Variants in ARFIP2 observed in about 807,000 individuals in gnomAD.
The protein encoded by ARFIP2 is arfaptin-2.
ARFIP2 carries 14 observed loss-of-function variants against 39.2 expected under a neutral mutation model. The ratio of observed to expected loss-of-function variants is 0.36; its 90% confidence interval spans 0.24 to 0.56. The LOEUF is 0.56. ARFIP2 is among the 20% of genes least tolerant of loss of function. The pLI is 0.85. For synonymous variants in ARFIP2, 167 were observed against 172.4 expected, an observed-to-expected ratio of 0.97 and a Z score of 0.24; for missense variants, 305 against 422.5, an observed-to-expected ratio of 0.72 and a Z score of 2.44.
chr11:6,481,080 G>A (rs1851711682), intron 1 of ARFIP2, 151 bp downstream of exon 1: 3 of 272,366 alleles, frequency 1.1e-5, no homozygotes, highest in Non-Finnish European at 2.1e-5. Context: ...TCCACAGTCA[G>A]TTATGTCTCC....
rs1003347778 is a variant in ARFIP2 at position 6,477,696 on chromosome 11, G to A, written c.870+22C>T. 3.7e-6 allele frequency: 6 copies of A among 1,611,790 alleles called. No individual in the cohort carries two copies. The African/African-American group carries it at 6.7e-5, about 18-fold the overall frequency. ...GTTACAGATGGAAAGGTGGGCTAGG[G>A]TCAAGGGGGTGGGGTTGGCACCTTG... On this transcript the variant is annotated intron_variant, in intron 7 of 7. Transcript: ENST00000396777. The surrounding 1 kb of genome is among the most constrained non-coding windows in gnomAD (Gnocchi z 4.8).
rs746639774 is a variant in ARFIP2 at position 6,480,417 on chromosome 11, G to A, written c.5C>T (p.Thr2Met). The change falls in exon 2 of 8, where the codon ACG (threonine) becomes ATG (methionine). Residue 2 changes from threonine to methionine, a missense_variant. By Grantham distance (81) the Thr-to-Met change is moderately conservative. This residue lies in a region of ARFIP2 where 151 missense variants were observed against 203.1 expected (regional missense o/e 0.74). Transcript: ENST00000396777. ...GGCTGCCTTCCCTAGGATCCCGTCC[G>A]TCATGGCTAGGAAAGGTATTGGAGT... M[T>M]DGILGKAATM... 5 of 1,610,032 alleles carry A rather than the reference G, an allele frequency of 3.1e-6. No homozygotes were observed. The highest frequency in any genetic ancestry group is 1.7e-5 in the Admixed American group (1 of 59,428).
In ARFIP2 at chr11:6,477,144, G is replaced by C; in HGVS notation, c.995C>G (p.Ala332Gly). The C allele has an allele frequency of 1.2e-6, 2 of 1,611,444 alleles. No individual in the cohort carries two copies. Among genetic ancestry groups the C allele is most frequent in the Non-Finnish European group, 1.7e-6 (2 of 1,178,566 alleles). ...QFNIKLRPPG[A>G]EKPSWLEEQ is the part of the protein sequence containing the mutation. ...CTCCTCTAGCCAGGAGGGTTTCTCA[G>C]CTCCTGGAGGCCGCAGCTTGATGTT... Residue 332 changes from alanine to glycine, a missense_variant, in exon 8 of 8, where the codon GCT becomes GGT. Around this residue, in one of 3 missense-constraint regions of ARFIP2, gnomAD observed 112 missense variants for 118.2 expected, o/e 0.95. Transcript: ENST00000396777. The surrounding 1 kb of genome is among the most constrained non-coding windows in gnomAD (Gnocchi z 4.8).
In ARFIP2 at chr11:6,480,423, G is replaced by A. The variant is rs142463432; in HGVS notation, c.-2C>T. Reference sequence around the variant, plus strand: ...CTTCCCTAGGATCCCGTCCGTCATGGCTAGGAAAGGTATTGGAGTAAAACT... The same window carrying A: ...CTTCCCTAGGATCCCGTCCGTCATGACTAGGAAAGGTATTGGAGTAAAACT... On this transcript the variant is annotated 5_prime_UTR_variant, in exon 2 of 8. Coordinates refer to ENST00000396777, the MANE Select transcript of ARFIP2 (RefSeq NM_001376558.2). 9 of 1,608,082 alleles carry A rather than the reference G, an allele frequency of 5.6e-6. No individual in the cohort carries two copies. The African/African-American group carries it at 1.1e-4, about 19-fold the overall frequency.
In ARFIP2 at chr11:6,476,718, C is replaced by T. The variant is rs969255449; in HGVS notation, c.*395G>A. 5.4e-5 allele frequency: 11 copies of T among 202,274 alleles called. No homozygotes were observed. The highest frequency in any genetic ancestry group is 2.6e-4 in the Admixed American group (5 of 19,064). The allele number at this position is 202,274 out of a possible 1,614,324, so 12.5% of individuals were successfully genotyped here. The stretch of plus-strand genomic sequence containing the variant: ...TAGAGGAGAGACAAAGGGTATTAGA[C>T]GCAACATCATTGGCCCAGGGGAGTC... On this transcript the variant is annotated 3_prime_UTR_variant, in exon 8 of 8. Transcript: ENST00000396777.
rs77933470 is a variant in ARFIP2, at chr11:6,479,394, T to A, written c.197-136A>T. On this transcript the variant is annotated intron_variant, in intron 3 of 7. Coordinates refer to ENST00000396777, the MANE Select transcript of ARFIP2 (RefSeq NM_001376558.2). The stretch of plus-strand genomic sequence containing the variant: ...GCTAGAGACAACTGGATGCTCCTGC[T>A]TACTAGGAGGAACTCGGACTTTGCG... The A allele has an allele frequency of 1.1e-3, 1,715 of 1,580,578 alleles. 14 individuals are homozygous for A. In the African/African-American group the frequency reaches 0.017, roughly 15 times the overall value.
Position 6,476,766 on chromosome 11 carries a change from A to T in ARFIP2, c.*347T>A. The T allele has an allele frequency of 4.1e-6, 1 of 245,252 alleles. No individual in the cohort carries two copies. The highest frequency in any genetic ancestry group is 8.1e-6 in the Non-Finnish European group (1 of 124,048). The allele number at this position is 245,252 out of a possible 1,614,324, so 15.2% of individuals were successfully genotyped here. On this transcript the variant is annotated 3_prime_UTR_variant, in exon 8 of 8. Transcript: ENST00000396777. ...GTCCGAGAAGAGCTGCCATTGGCTGACAGGGCATTTTCAGGCTCTGTCATT... is the reference window on the plus strand; with the variant it reads ...GTCCGAGAAGAGCTGCCATTGGCTGTCAGGGCATTTTCAGGCTCTGTCATT...
rs1851178103 is a variant in ARFIP2, at chr11:6,477,259, T to C, written c.880A>G (p.Met294Val). The change falls in exon 8 of 8, where the codon ATG (methionine) becomes GTG (valine). Residue 294 changes from methionine (M) to valine (V), a missense_variant. Physicochemically the swap from Met to Val is conservative, Grantham distance 21. This residue lies in a region of ARFIP2 where 112 missense variants were observed against 118.2 expected (regional missense o/e 0.95). Transcript: ENST00000396777. The surrounding 1 kb of genome is among the most constrained non-coding windows in gnomAD (Gnocchi z 4.8). Reference sequence around the variant, plus strand: ...TGGAAGAGCAGCAGCTGCTTGTGCATCACCTTGATCTGGGGGTCCAGCAGG... The same window carrying C: ...TGGAAGAGCAGCAGCTGCTTGTGCACCACCTTGATCTGGGGGTCCAGCAGG... Reference protein sequence around the residue: ...KFLEENKIKVMHKQLLLFHNA... With the variant: ...KFLEENKIKVVHKQLLLFHNA... The C allele has an allele frequency of 1.2e-6, 2 of 1,613,014 alleles. No individual in the cohort carries two copies. The highest frequency in any genetic ancestry group is 1.7e-6 in the Non-Finnish European group (2 of 1,179,708).
At position 6,477,836 on chromosome 11, in the gene ARFIP2, T is replaced by C; in HGVS notation, c.752A>G (p.Asp251Gly). 6.2e-7 allele frequency: 1 copy of C among 1,613,934 alleles called. No homozygotes were observed. Among genetic ancestry groups the C allele is most frequent in the Non-Finnish European group, 8.5e-7 (1 of 1,179,960 alleles). ...CTCAAGTCGACCACGTGTCCCTGCATCCCGGGGGCCTAGACTCAGCTCCTC... is the reference window on the plus strand; with the variant it reads ...CTCAAGTCGACCACGTGTCCCTGCACCCCGGGGGCCTAGACTCAGCTCCTC... ...DLEELSLGPR[D>G]AGTRGRLESA... Residue 251 changes from aspartate (D) to glycine (G), a missense_variant, in exon 7 of 8, where the codon GAT becomes GGT. Asp to Gly is a moderately conservative substitution (Grantham distance 94). Transcript: ENST00000396777. The surrounding 1 kb of genome is among the most constrained non-coding windows in gnomAD (Gnocchi z 4.8).
chr11:6,476,993 C>T lies in ARFIP2; in HGVS notation c.*120G>A. The T allele has an allele frequency of 8.0e-7, 1 of 1,253,176 alleles. No homozygotes were observed. Among genetic ancestry groups the T allele is most frequent in the Non-Finnish European group, 1.1e-6 (1 of 929,478 alleles). The allele number at this position is 1,253,176 out of a possible 1,614,324, so 77.6% of individuals were successfully genotyped here. ...GGCAAAACTGGTGTCAGGCCCCAGC[C>T]AGAAAAAGGAGCCCAAGCCAGAGGG... On this transcript the variant is annotated 3_prime_UTR_variant, in exon 8 of 8. Coordinates refer to ENST00000396777, the MANE Select transcript of ARFIP2 (RefSeq NM_001376558.2).
At chr11:6,480,649 C>T (rs987037615) in intron 1 of ARFIP2, 186 bp from the exon 2 acceptor site, 6 of 465,222 alleles carry the variant, frequency 1.3e-5, no homozygotes, top group African/African-American at 8.0e-5. Context: ...CACCAAAGCA[C>T]GGTGTCTTCT....
In ARFIP2 at chr11:6,476,967, G is replaced by A; in HGVS notation, c.*146C>T. On this transcript the variant is annotated 3_prime_UTR_variant, in exon 8 of 8. Transcript: ENST00000396777. ...GGCCCTCTTCCCACCATAGCAATGTGGGCAAAACTGGTGTCAGGCCCCAGC... is the reference window on the plus strand; with the variant it reads ...GGCCCTCTTCCCACCATAGCAATGTAGGCAAAACTGGTGTCAGGCCCCAGC... The A allele has an allele frequency of 2.1e-6, 2 of 940,876 alleles. No homozygotes were observed. The highest frequency in any genetic ancestry group is 3.1e-6 in the Non-Finnish European group (2 of 649,296). The allele number at this position is 940,876 out of a possible 1,614,324, so 58.3% of individuals were successfully genotyped here.
intron 2 of ARFIP2, 103 bp downstream of exon 2, chr11:6,480,220 G>T: frequency 7.7e-7 from 1 of 1,293,984 alleles, no homozygotes; most frequent in Non-Finnish European, 1.1e-6. Context: ...AATGAAGGGA[G>T]TCAGATAAGT....
At position 6,478,972 on chromosome 11, in the gene ARFIP2, T is replaced by C. The variant is rs1030392246; in HGVS notation, c.316-13A>G. 1 of 1,612,722 alleles carries C rather than the reference T, an allele frequency of 6.2e-7. No individual in the cohort carries two copies. The highest frequency in any genetic ancestry group is 8.5e-7 in the Non-Finnish European group (1 of 1,179,022). ...GTTGCTTTGTGCACTGATTGGGAAA[T>C]GGGGGAATAAATCAGAGACCCTAAC... On this transcript the variant is annotated splice_polypyrimidine_tract_variant and intron_variant, in intron 4 of 7. Coordinates refer to ENST00000396777, the MANE Select transcript of ARFIP2 (RefSeq NM_001376558.2). This position sits in a 1 kb window ranked among gnomAD's most constrained non-coding sequence, Gnocchi z 4.8.
intron 3 of ARFIP2, chr11:6,479,494 G>T: frequency 1.5e-6 from 1 of 680,170 alleles, no homozygotes; most frequent in Non-Finnish European, 2.5e-6. Flanking sequence ...AGTTGTTGGT[G>T]TACAGGGGCA....
Position 6,477,818 on chromosome 11 carries a change from C to A in ARFIP2, c.770G>T (p.Arg257Leu). Residue 257 changes from arginine to leucine, a missense_variant, in exon 7 of 8, where the codon CGA becomes CTA. Transcript: ENST00000396777. This position sits in a 1 kb window ranked among gnomAD's most constrained non-coding sequence, Gnocchi z 4.8. ...LGPRDAGTRG[R>L]LESAQATFQA... is the part of the protein sequence containing the mutation. ...GAAAGTGGCCTGGGCACTCTCAAGTCGACCACGTGTCCCTGCATCCCGGGG... is the reference window on the plus strand; with the variant it reads ...GAAAGTGGCCTGGGCACTCTCAAGTAGACCACGTGTCCCTGCATCCCGGGG... 6.2e-7 allele frequency: 1 copy of A among 1,613,976 alleles called. No homozygotes were observed. The highest frequency in any genetic ancestry group is 8.5e-7 in the Non-Finnish European group (1 of 1,179,950).
Position 6,478,247 on chromosome 11 carries a change from C to G in ARFIP2, c.538-49G>C. 1.2e-6 allele frequency: 2 copies of G among 1,606,996 alleles called. No individual in the cohort carries two copies. ...ACCTTGAATAACACTCCCTACCTGA[C>G]TGAAGCTGTAGAGCCCTTCATTCCC... On this transcript the variant is annotated intron_variant, in intron 5 of 7. Transcript: ENST00000396777. The surrounding 1 kb of genome is among the most constrained non-coding windows in gnomAD (Gnocchi z 4.8).
rs76849400 is a variant in ARFIP2, at chr11:6,476,944, C to T, written c.*169G>A. On this transcript the variant is annotated 3_prime_UTR_variant, in exon 8 of 8. Coordinates refer to ENST00000396777, the MANE Select transcript of ARFIP2 (RefSeq NM_001376558.2). Reference sequence around the variant, plus strand: ...GGGCAGCAACTTCTGGGCCTCCAGGCCCTCTTCCCACCATAGCAATGTGGG... The same window carrying T: ...GGGCAGCAACTTCTGGGCCTCCAGGTCCTCTTCCCACCATAGCAATGTGGG... 3.1e-3 allele frequency: 2,247 copies of T among 717,040 alleles called. 45 individuals carry two copies. In the African/African-American group the frequency reaches 0.036, roughly 11 times the overall value. 44.4% of individuals were successfully genotyped at this position (717,040 alleles called of 1,614,324 possible). A position where few individuals can be genotyped will look rare whatever the true frequency, so the allele number is the denominator to read the frequency against.
chr11:6,480,772 C>A, intron 1 of ARFIP2: 1 of 215,280 alleles, frequency 4.6e-6, no homozygotes, highest in Non-Finnish European at 9.4e-6. Flanking sequence ...GAAAATACAA[C>A]AGTGAAGAGG....
Sources: allele counts gnomAD v4.1 joint callset, GRCh38; gene constraint gnomAD v4.1.1; regional missense constraint gnomAD v4.1.1; non-coding constraint Gnocchi (gnomAD v3.1); transcripts MANE v1.5; gene names NCBI Gene and HGNC (gene_info 2026-07-23, HGNC 2026-07-21).